Variants in LCORL observed in about 807,000 individuals in gnomAD.
The protein encoded by LCORL is ligand dependent nuclear receptor corepressor like.
In LCORL, 41 loss-of-function variants were observed where a neutral mutation model predicts 141.8. The ratio of observed to expected loss-of-function variants is 0.29; its 90% confidence interval spans 0.23 to 0.38. The LOEUF is 0.38. Among genes scored for constraint, LCORL ranks in the 10% least tolerant of loss-of-function variants. The pLI is 1.00. For missense variants in LCORL, 1,759 were observed against 2,035.0 expected, an observed-to-expected ratio of 0.86 and a Z score of 2.61; for synonymous variants, 618 against 694.1, an observed-to-expected ratio of 0.89 and a Z score of 1.72.
chr4:17,874,047 A>C (rs1466827271), exon 7 of LCORL: 2 of 1,233,900 alleles, frequency 1.6e-6, no homozygotes, highest in African/African-American at 3.1e-5. Flanking sequence ...TTGGAGTGGG[A>C]TGTCAGCATT....
intron 4 of LCORL, among the ~76,000 whole-genome samples, chr4:17,938,385 G>A (rs1189376461): frequency 1.3e-5 from 2 of 148,872 alleles, no homozygotes; most frequent in Non-Finnish European, 3.0e-5. Flanking sequence ...TCTTGGGTGT[G>A]TAGTTTTACT....
intron 4 of LCORL, among the ~76,000 whole-genome samples, chr4:17,918,988 C>T (rs1422679983): frequency 6.6e-6 from 1 of 151,996 alleles, no homozygotes; most frequent in African/African-American, 2.4e-5. Flanking sequence ...AGGGACTAAA[C>T]AAACCTTTAG....
At chr4:17,994,556 T>C (rs991378518) in intron 1 of LCORL, among the ~76,000 whole-genome samples, 4 of 152,238 alleles carry the variant, frequency 2.6e-5, no homozygotes, top group African/African-American at 9.6e-5. Context: ...ACTAGATTAA[T>C]TGTTACATGC....
chr4:17,909,146 T>C, exon 5 of LCORL: 1 of 1,613,208 alleles, frequency 6.2e-7, no homozygotes, highest in Non-Finnish European at 8.5e-7. Context: ...CTAAGGGGCC[T>C]TCCTGCTCTT....
At chr4:17,845,984 G>C in intron 7 of LCORL, 83 bp from the exon 8 acceptor site, 1 of 1,160,036 alleles carries the variant, frequency 8.6e-7, no homozygotes, top group Non-Finnish European at 1.2e-6. Context: ...TTTAGTTGTA[G>C]TAGTGTTTGG....
In LCORL at chr4:17,923,912, C is replaced by T. The variant is rs189009063; in HGVS notation, c.431-14567G>A. On this transcript the variant is annotated intron_variant, in intron 4 of 7. Transcript: ENST00000635767. ...CACCAATTTCCCAATCATGATTCTT[C>T]CAAGTCCATGCAGTGTGGGCTTTCC... is the stretch of plus-strand genomic sequence containing the variant. 2.4e-3 allele frequency among the ~76,000 whole-genome samples: 369 copies of T among 151,934 alleles called. 1 individual carries two copies. Among genetic ancestry groups the T allele is most frequent in the African/African-American group, 8.0e-3 (330 of 41,488 alleles).
chr4:17,923,301 T>C (rs1734588285), intron 4 of LCORL, among the ~76,000 whole-genome samples: 1 of 152,182 alleles, frequency 6.6e-6, no homozygotes, highest in South Asian at 2.1e-4. Context: ...CTTGGGGAGT[T>C]AAAAAAGGTT....
At chr4:17,876,780 T>A (rs2109186198) in exon 7 of LCORL, 1 of 1,230,888 alleles carries the variant, frequency 8.1e-7, no homozygotes, top group African/African-American at 1.6e-5. Context: ...ATCTGCAGAT[T>A]TCTCCTGTGG....
At chr4:18,005,829 C>A (rs958143732) in intron 1 of LCORL, among the ~76,000 whole-genome samples, 17 of 152,144 alleles carry the variant, frequency 1.1e-4, no homozygotes, top group Admixed American at 1.0e-3. Flanking sequence ...CCCATGAAAC[C>A]ACTTTTTCCT....
chr4:17,873,564 T>A, exon 7 of LCORL: 1 of 1,233,934 alleles, frequency 8.1e-7, no homozygotes, highest in Non-Finnish European at 1.0e-6. Context: ...TAATTTACTA[T>A]TGCCAAGATG....
chr4:17,928,196 C>T (rs1161625179), intron 4 of LCORL, among the ~76,000 whole-genome samples: 1 of 152,108 alleles, frequency 6.6e-6, no homozygotes, highest in African/African-American at 2.4e-5. Flanking sequence ...CACTTGAGCC[C>T]AGGAGTTTGA....
chr4:17,986,948 C>CT (rs779186502), intron 1 of LCORL, among the ~76,000 whole-genome samples: 10 of 151,624 alleles, frequency 6.6e-5, no homozygotes, highest in Non-Finnish European at 8.8e-5. Flanking sequence ...ACAGTTTAAC[C>CT]TTTTTTTTGT....
chr4:17,911,053 C>T lies in LCORL; in HGVS notation c.431-1708G>A, dbSNP rs904781619. 7.2e-5 allele frequency among the ~76,000 whole-genome samples: 11 copies of T among 152,118 alleles called. No individual in the cohort carries two copies. In the South Asian group the frequency reaches 1.0e-3, roughly 14 times the overall value. On this transcript the variant is annotated intron_variant, in intron 4 of 7. Transcript: ENST00000635767. The stretch of plus-strand genomic sequence containing the variant: ...AACTTAGGCTAGTTACATATTCTCT[C>T]CATGCCTCAGTTTCTACATTCATTA...
At chr4:17,982,236 A>C (rs2109728548) in intron 1 of LCORL, among the ~76,000 whole-genome samples, 1 of 152,246 alleles carries the variant, frequency 6.6e-6, no homozygotes, top group South Asian at 2.1e-4. Flanking sequence ...CACAATGAAC[A>C]TATGCGTGCA....
At chr4:17,958,572 A>G (rs1713145746) in intron 4 of LCORL, among the ~76,000 whole-genome samples, 2 of 152,028 alleles carry the variant, frequency 1.3e-5, no homozygotes, top group Admixed American at 6.6e-5. Context: ...GCCTATGTTT[A>G]TCAACATTCC....
intron 1 of LCORL, among the ~76,000 whole-genome samples, chr4:18,010,454 A>G (rs11940767): frequency 1.8e-4 from 27 of 151,472 alleles, no homozygotes; most frequent in African/African-American, 4.8e-4. Context: ...GTATGTGTGT[A>G]TATATATATA....
chr4:18,013,267 C>T (rs1015288038), intron 1 of LCORL, among the ~76,000 whole-genome samples: 7 of 152,180 alleles, frequency 4.6e-5, no homozygotes, highest in African/African-American at 1.2e-4. Context: ...GCTAAGATTC[C>T]TTAAGGTGTG....
At chr4:17,952,788 T>C (rs1711685474) in intron 4 of LCORL, among the ~76,000 whole-genome samples, 1 of 152,166 alleles carries the variant, frequency 6.6e-6, no homozygotes, top group Non-Finnish European at 1.5e-5. Flanking sequence ...AGCAAACTCA[T>C]GTCATGGGGG....
intron 1 of LCORL, among the ~76,000 whole-genome samples, chr4:18,015,467 C>T (rs1160994821): frequency 2.0e-5 from 3 of 152,056 alleles, no homozygotes; most frequent in South Asian, 2.1e-4. Context: ...CATCAATATG[C>T]CTATTTTACA....
Sources: gnomAD v4.1 joint callset for allele counts (sites outside exome capture counted in the v4.1 genomes callset) on GRCh38, gnomAD v4.1.1 for gene constraint, MANE v1.5 for transcripts, NCBI Gene and HGNC (gene_info 2026-07-23, HGNC 2026-07-21) for gene names.